RBMS1: variants seen among roughly 807,000 people sequenced by gnomAD.
RBMS1 encodes the protein RNA binding motif single stranded interacting protein 1, also known as RNA-binding motif, single-stranded-interacting protein 1.
In RBMS1, 17 loss-of-function variants were observed where a neutral mutation model predicts 62.3. The ratio of observed to expected loss-of-function variants is 0.27; its 90% CI spans 0.19 to 0.41. The LOEUF is 0.41. RBMS1 is among the 10% of genes least tolerant of loss of function. The probability of loss-of-function intolerance (pLI) is 1.00; values close to 1 mark genes in which losing one functional copy is unlikely to be tolerated. For missense variants in RBMS1, 334 were observed against 504.5 expected (o/e 0.66, Z 3.24); for synonymous variants, 172 against 170.0 (o/e 1.01, Z -0.09).
chr2:160,407,576 G>T, intron 1 of RBMS1: 1 of 983,646 alleles, frequency 1.0e-6, no homozygotes, highest in Non-Finnish European at 1.2e-6. Flanking sequence ...GCGCGGGCGC[G>T]GGGCAGCCTC....
chr2:160,312,500 G>T (rs980952233), intron 4 of RBMS1, among the ~76,000 whole-genome samples: 7 of 152,110 alleles, frequency 4.6e-5, no homozygotes, highest in East Asian at 1.9e-4. Flanking sequence ...TTACTCACTT[G>T]AAGAAATTTT....
chr2:160,351,691 A>C (rs1692520141), intron 2 of RBMS1, among the ~76,000 whole-genome samples: 1 of 152,118 alleles, frequency 6.6e-6, no homozygotes, highest in Non-Finnish European at 1.5e-5. Context: ...TGCATCCACT[A>C]ATTTCTTTGC....
At chr2:160,375,783 G>T (rs1386546933) in intron 1 of RBMS1, among the ~76,000 whole-genome samples, 2 of 151,912 alleles carry the variant, frequency 1.3e-5, no homozygotes, top group Non-Finnish European at 2.9e-5. Flanking sequence ...CAGGTGTGCA[G>T]TGTTTTCCTC....
chr2:160,331,520 T>C (rs1691272463), intron 2 of RBMS1, among the ~76,000 whole-genome samples: 1 of 152,214 alleles, frequency 6.6e-6, no homozygotes, highest in Non-Finnish European at 1.5e-5. Context: ...GACTGTGTGT[T>C]TTCCTCCTCG....
At chr2:160,382,123 T>C (rs529933819) in intron 1 of RBMS1, among the ~76,000 whole-genome samples, 1 of 152,286 alleles carries the variant, frequency 6.6e-6, no homozygotes, top group East Asian at 1.9e-4. Context: ...TAGATTAACA[T>C]TATGTTAGAA....
chr2:160,426,221 GAAAGAAAGAAAGAAAGA>G (rs1682568979), intron 1 of RBMS1, among the ~76,000 whole-genome samples: 1 of 52,194 alleles, frequency 1.9e-5, no homozygotes, highest in African/African-American at 8.2e-5. Context: ...AGAGACAGAA[GAAAGAAAGAAAGAAAGA>G]AAGAAAGAAA....
chr2:160,383,458 G>GT (rs1694393438), intron 1 of RBMS1, among the ~76,000 whole-genome samples: 1 of 150,460 alleles, frequency 6.6e-6, no homozygotes, highest in African/African-American at 2.4e-5. Flanking sequence ...TGAATTGGGG[G>GT]GGGGGGAACT....
intron 1 of RBMS1, among the ~76,000 whole-genome samples, chr2:160,488,087 C>T (rs946482598): frequency 6.6e-6 from 1 of 152,170 alleles, no homozygotes; most frequent in Non-Finnish European, 1.5e-5. Flanking sequence ...CTAAGAAATG[C>T]TTTGTTTCTA....
intron 1 of RBMS1, among the ~76,000 whole-genome samples, chr2:160,484,450 G>C (rs980885537): frequency 3.3e-5 from 5 of 151,274 alleles, no homozygotes; most frequent in Non-Finnish European, 5.9e-5. Flanking sequence ...AGCCGAGATC[G>C]CGCCACTGCA....
At chr2:160,451,414 A>G (rs554538326) in intron 1 of RBMS1, among the ~76,000 whole-genome samples, 1 of 152,242 alleles carries the variant, frequency 6.6e-6, no homozygotes, top group Non-Finnish European at 1.5e-5. Flanking sequence ...CAGGTACAAA[A>G]CTAATCCAAA....
At chr2:160,372,661 C>T (rs1693788737) in intron 1 of RBMS1, among the ~76,000 whole-genome samples, 1 of 152,150 alleles carries the variant, frequency 6.6e-6, no homozygotes, top group South Asian at 2.1e-4. Context: ...CCCACATGGG[C>T]CAGTTATCAC....
chr2:160,475,868 T>G (rs1405718033), intron 1 of RBMS1, among the ~76,000 whole-genome samples: 1 of 151,848 alleles, frequency 6.6e-6, no homozygotes, highest in African/African-American at 2.4e-5. Flanking sequence ...CATTTTTTTT[T>G]TTTTTTGAGA....
intron 1 of RBMS1, among the ~76,000 whole-genome samples, chr2:160,476,007 C>G (rs962668400): frequency 6.6e-6 from 1 of 151,952 alleles, no homozygotes; most frequent in Non-Finnish European, 1.5e-5. Context: ...CAGGAACAAG[C>G]CACCACATCC....
chr2:160,317,051 T>C (rs1690265859), intron 3 of RBMS1, among the ~76,000 whole-genome samples: 1 of 152,212 alleles, frequency 6.6e-6, no homozygotes, highest in African/African-American at 2.4e-5. Flanking sequence ...CCACTCTACA[T>C]AAAGCACGCT....
At chr2:160,346,962 C>G (rs185271674) in intron 2 of RBMS1, among the ~76,000 whole-genome samples, 15 of 152,060 alleles carry the variant, frequency 9.9e-5, no homozygotes, top group Admixed American at 3.9e-4. Flanking sequence ...ATGAAAGAAA[C>G]TTCATTGTTT....
intron 1 of RBMS1, among the ~76,000 whole-genome samples, chr2:160,455,361 A>G (rs1684175161): frequency 6.6e-6 from 1 of 152,258 alleles, no homozygotes; most frequent in African/African-American, 2.4e-5. Flanking sequence ...AGTAGATACC[A>G]TGCAGTATCA....
chr2:160,275,583 T>C (rs932088953), intron 13 of RBMS1, 47 bp downstream of exon 13: 12 of 1,599,350 alleles, frequency 7.5e-6, no homozygotes, highest in African/African-American at 4.0e-5. Flanking sequence ...GCCCTATAGA[T>C]TGTGCTTGAT....
At chr2:160,377,413 T>C (rs1294849754) in intron 1 of RBMS1, among the ~76,000 whole-genome samples, 1 of 152,220 alleles carries the variant, frequency 6.6e-6, no homozygotes, top group Non-Finnish European at 1.5e-5. Flanking sequence ...ATGCAGATTT[T>C]GACTCAGCCA....
At chr2:160,367,474 A>G (rs1386293884) in intron 1 of RBMS1, 83 bp from the exon 2 acceptor site, 2 of 1,569,496 alleles carry the variant, frequency 1.3e-6, no homozygotes, top group Admixed American at 1.9e-5. Flanking sequence ...AGATTTAAAT[A>G]TAGATTACTT....
Sources: gnomAD v4.1 joint callset for allele counts (sites outside exome capture counted in the v4.1 genomes callset) on GRCh38, gnomAD v4.1.1 for gene constraint, MANE v1.5 for transcripts, NCBI Gene and HGNC (gene_info 2026-07-23, HGNC 2026-07-21) for gene names.